PTPRD: variants seen among roughly 807,000 people sequenced by gnomAD.
The protein encoded by PTPRD is receptor-type tyrosine-protein phosphatase delta.
Under a neutral mutation model 214.5 loss-of-function variants are expected in PTPRD, and 34 were observed. That is an observed-to-expected ratio of 0.16 (90% CI 0.12 to 0.21). The LOEUF (loss-of-function observed/expected upper bound fraction) is 0.21. Among genes scored for constraint, PTPRD ranks in the 10% least tolerant of loss-of-function variants. The pLI is 1.00. For synonymous variants in PTPRD, 1,128 were observed against 845.7 expected (o/e 1.33, Z -5.79); for missense variants, 2,545 against 2,398.7 (o/e 1.06, Z -1.27).
intron 9 of PTPRD, among the ~76,000 whole-genome samples, chr9:9,209,836 T>C (rs1173570373): frequency 6.6e-6 from 1 of 152,144 alleles, no homozygotes; most frequent in East Asian, 1.9e-4. Context: ...CATGGTTTCA[T>C]GGATGCTGAC....
chr9:10,424,896 T>C (rs753903088), intron 2 of PTPRD, among the ~76,000 whole-genome samples: 3 of 152,008 alleles, frequency 2.0e-5, no homozygotes, highest in Non-Finnish European at 2.9e-5. Context: ...ATAATGTAAA[T>C]GATTAAATGA....
intron 5 of PTPRD, among the ~76,000 whole-genome samples, chr9:9,776,053 T>C (rs1444912749): frequency 2.6e-5 from 4 of 151,390 alleles, no homozygotes; most frequent in African/African-American, 9.7e-5. Flanking sequence ...ATAAGCACTT[T>C]CTAGTAAAAG....
chr9:8,869,695 G>A (rs960906851), intron 11 of PTPRD, among the ~76,000 whole-genome samples: 3 of 150,152 alleles, frequency 2.0e-5, no homozygotes, highest in Non-Finnish European at 2.9e-5. Context: ...CCTTTTTCCA[G>A]GATTTGCCTT....
At position 9,931,250 on chromosome 9, in the gene PTPRD, G is replaced by T. The variant is rs548268882; in HGVS notation, c.-368+7257C>A. 7.0e-4 allele frequency among the ~76,000 whole-genome samples: 106 copies of T among 152,266 alleles called. 2 individuals carry two copies. Among genetic ancestry groups the T allele is most frequent in the African/African-American group, 2.4e-3 (100 of 41,574 alleles). On this transcript the variant is annotated intron_variant, in intron 5 of 45. Transcript: ENST00000381196. ...AAGATGGCCGAATAGGAACAGCTCC[G>T]GTCTACAGCTCCCAGCGTGAGCGAC...
At chr9:10,351,371 T>C (rs1044819859) in intron 2 of PTPRD, among the ~76,000 whole-genome samples, 3 of 152,098 alleles carry the variant, frequency 2.0e-5, no homozygotes, top group African/African-American at 7.2e-5. Flanking sequence ...AACCAATCTG[T>C]TTCTTTTACT....
intron 5 of PTPRD, among the ~76,000 whole-genome samples, chr9:9,837,574 G>C (rs2057136768): frequency 6.6e-6 from 1 of 152,012 alleles, no homozygotes; most frequent in South Asian, 2.1e-4. Flanking sequence ...ATTTGCTTTT[G>C]ACTTTTGATG....
At chr9:9,350,500 A>G (rs532154151) in intron 9 of PTPRD, among the ~76,000 whole-genome samples, 1 of 152,162 alleles carries the variant, frequency 6.6e-6, no homozygotes, top group African/African-American at 2.4e-5. Context: ...AGAATTTTAA[A>G]TTATTTGCAT....
At chr9:10,055,954 G>T (rs1374435878) in intron 3 of PTPRD, among the ~76,000 whole-genome samples, 1 of 149,606 alleles carries the variant, frequency 6.7e-6, no homozygotes. Flanking sequence ...AGAGAAATAA[G>T]ATAAAGTAGC....
chr9:9,277,559 T>C (rs1946145163), intron 9 of PTPRD, among the ~76,000 whole-genome samples: 2 of 151,368 alleles, frequency 1.3e-5, no homozygotes, highest in Non-Finnish European at 3.0e-5. Context: ...CTTACCCAAA[T>C]ATTAAACAAT....
At chr9:9,454,120 G>C (rs2092651852) in intron 8 of PTPRD, among the ~76,000 whole-genome samples, 1 of 151,264 alleles carries the variant, frequency 6.6e-6, no homozygotes, top group South Asian at 2.1e-4. Flanking sequence ...TGTAAAATGA[G>C]AAAAATGAAA....
At chr9:8,326,748 C>G (rs1230661656) in intron 44 of PTPRD, among the ~76,000 whole-genome samples, 1 of 151,530 alleles carries the variant, frequency 6.6e-6, no homozygotes, top group Non-Finnish European at 1.5e-5. Flanking sequence ...TGTTATTGGT[C>G]TATGCAGAGA....
At chr9:9,782,644 G>C (rs755453722) in intron 5 of PTPRD, among the ~76,000 whole-genome samples, 1 of 152,184 alleles carries the variant, frequency 6.6e-6, no homozygotes. Flanking sequence ...TTATTGCAAT[G>C]AGTATAGATA....
rs376133901 is a variant in PTPRD at position 9,504,572 on chromosome 9, A to G, written c.-237+70160T>C. Among the ~76,000 whole-genome samples the G allele has an allele frequency of 9.9e-5, 15 of 151,848 alleles. No homozygotes were observed. The East Asian group carries it at 1.6e-3, about 16-fold the overall frequency. The stretch of plus-strand genomic sequence containing the variant: ...CCATCAAAAGGAAAAAACTGAAAGC[A>G]TTCCCTCTAAGATGAGATACAAGGC... On this transcript the variant is annotated intron_variant, in intron 8 of 45. Coordinates refer to ENST00000381196, the MANE Select transcript of PTPRD (RefSeq NM_002839.4).
chr9:8,865,529 A>C (rs1285521004), intron 11 of PTPRD, among the ~76,000 whole-genome samples: 1 of 152,138 alleles, frequency 6.6e-6, no homozygotes, highest in East Asian at 1.9e-4. Flanking sequence ...AAATAGAATG[A>C]ATTTCCCCTG....
intron 10 of PTPRD, among the ~76,000 whole-genome samples, chr9:9,061,563 G>A (rs1329555728): frequency 6.6e-6 from 1 of 152,086 alleles, no homozygotes; most frequent in African/African-American, 2.4e-5. Context: ...CCCCAAGGTT[G>A]TCAACTCATG....
chr9:8,372,671 C>G (rs147070486), intron 39 of PTPRD, among the ~76,000 whole-genome samples: 261 of 152,066 alleles, frequency 1.7e-3, no homozygotes, highest in African/African-American at 6.2e-3. Context: ...TTTTAGAAAT[C>G]TGGTAGACTC....
At chr9:9,696,978 G>A (rs117192945) in intron 7 of PTPRD, among the ~76,000 whole-genome samples, 1 of 151,826 alleles carries the variant, frequency 6.6e-6, no homozygotes, top group African/African-American at 2.4e-5. Context: ...TCTTCTGTGA[G>A]GCTTACAAAA....
chr9:9,411,416 T>A (rs926329831), intron 8 of PTPRD, among the ~76,000 whole-genome samples: 3 of 152,094 alleles, frequency 2.0e-5, no homozygotes, highest in Non-Finnish European at 4.4e-5. Context: ...TTTCTGTGGG[T>A]TTGTGTGGAA....
rs1555566892 is a variant in PTPRD, at chr9:10,082,840, A to AAACAC, written c.-544-49051_-544-49050insGTGTT. Among the ~76,000 whole-genome samples the AAACAC allele has an allele frequency of 1.8e-3, 226 of 128,294 alleles. 1 individual carries two copies. The highest frequency in any genetic ancestry group is 4.7e-3 in the Admixed American group (57 of 12,150). 84.2% of individuals were successfully genotyped at this position (128,294 alleles called of 152,430 possible). ...ACACACACACACACACACACACACAAACACACACACACACACACACACACC... is the reference window on the plus strand; with the variant it reads ...ACACACACACACACACACACACACAAAACACACACACACACACACACACACACACC... On this transcript the variant is annotated intron_variant, in intron 3 of 45. Coordinates refer to ENST00000381196, the MANE Select transcript of PTPRD (RefSeq NM_002839.4).
Sources: allele counts gnomAD v4.1 joint callset (sites outside exome capture counted in the v4.1 genomes callset), GRCh38; gene constraint gnomAD v4.1.1; transcripts MANE v1.5; gene names NCBI Gene and HGNC (gene_info 2026-07-23, HGNC 2026-07-21).